Variants in PSPC1 observed in about 807,000 individuals in gnomAD.
The protein encoded by PSPC1 is paraspeckle component 1, also known as paraspeckle protein 1.
Under a neutral mutation model 51.6 loss-of-function variants are expected in PSPC1, and 14 were observed. The ratio of observed to expected loss-of-function variants is 0.27; its 90% CI spans 0.18 to 0.42. PSPC1 has a LOEUF of 0.42. Among genes scored for constraint, PSPC1 ranks in the 10% least tolerant of loss-of-function variants. PSPC1 has a pLI of 1.00. For synonymous variants in PSPC1, 193 were observed against 231.9 expected (o/e 0.83, Z 1.53); for missense variants, 406 against 701.1 (o/e 0.58, Z 4.75).
At chr13:19,769,269 C>CT (rs1169052894) in intron 2 of PSPC1, among the ~76,000 whole-genome samples, 1 of 146,032 alleles carries the variant, frequency 6.8e-6, no homozygotes, top group Non-Finnish European at 1.5e-5. Flanking sequence ...GAAACCCCGT[C>CT]TAACGGCCGG....
At chr13:19,757,397 C>T (rs905139724) in intron 3 of PSPC1, among the ~76,000 whole-genome samples, 1 of 152,114 alleles carries the variant, frequency 6.6e-6, no homozygotes, top group African/African-American at 2.4e-5. Context: ...GCGAGAGTTC[C>T]GTGATCCCCA....
intron 6 of PSPC1, among the ~76,000 whole-genome samples, chr13:19,679,956 G>A (rs1404054343): frequency 5.3e-5 from 8 of 152,132 alleles, no homozygotes; most frequent in Non-Finnish European, 7.3e-5. Context: ...ACCTAGAAAA[G>A]TAATTTCCAG....
At chr13:19,738,703 C>T (rs1885108846) in intron 5 of PSPC1, among the ~76,000 whole-genome samples, 2 of 151,934 alleles carry the variant, frequency 1.3e-5, no homozygotes, top group South Asian at 4.1e-4. Flanking sequence ...GTCACGAGTT[C>T]GAGACCATCC....
chr13:19,673,088 GTTTT>G (rs754426334), downstream of PSPC1: 8 of 292,928 alleles, frequency 2.7e-5, no homozygotes, highest in African/African-American at 2.5e-4. Context: ...AACCTATACG[GTTTT>G]TTTTTGTTTT....
At chr13:19,714,495 C>CTTTT (rs59072226) in intron 6 of PSPC1, among the ~76,000 whole-genome samples, 5 of 135,058 alleles carry the variant, frequency 3.7e-5, no homozygotes, top group African/African-American at 8.1e-5. Context: ...CAGCGGATTT[C>CTTTT]TTTTTTTTTT....
chr13:19,699,505 G>C (rs116415223), downstream of PSPC1: 121 of 152,064 alleles, frequency 8.0e-4, 1 homozygote, highest in African/African-American at 2.7e-3. Context: ...ATCTTGTAAA[G>C]TATAAGACTA....
chr13:19,690,349 T>C (rs1878406460), intron 6 of PSPC1, among the ~76,000 whole-genome samples: 1 of 152,232 alleles, frequency 6.6e-6, no homozygotes, highest in Non-Finnish European at 1.5e-5. Context: ...GAGTTCTAGT[T>C]GCTACATTTT....
chr13:19,674,113 T>C (rs1876348889), downstream of PSPC1, among the ~76,000 whole-genome samples: 2 of 152,248 alleles, frequency 1.3e-5, no homozygotes, highest in African/African-American at 2.4e-5. Flanking sequence ...CATCATGGCC[T>C]CTGCCATTAT....
chr13:19,768,914 C>T (rs1285538203), intron 2 of PSPC1, among the ~76,000 whole-genome samples: 2 of 149,746 alleles, frequency 1.3e-5, no homozygotes, highest in African/African-American at 5.0e-5. Context: ...GCAGGTGGAT[C>T]ACTTGAGGCC....
chr13:19,711,480 C>CA (rs538377221), intron 6 of PSPC1, among the ~76,000 whole-genome samples: 9 of 150,742 alleles, frequency 6.0e-5, no homozygotes, highest in East Asian at 1.9e-4. Flanking sequence ...ACTAAAAATA[C>CA]AAAAAAAATT....
intron 6 of PSPC1, among the ~76,000 whole-genome samples, chr13:19,711,639 T>A (rs1391702267): frequency 0.021 from 1,709 of 80,298 alleles, no homozygotes; most frequent in African/African-American, 0.037. Flanking sequence ...CTCCGTCTCA[T>A]AAAAAAAAAA....
chr13:19,741,703 A>C (rs1038064493), intron 4 of PSPC1, 54 bp from the exon 5 acceptor site: 1 of 1,195,082 alleles, frequency 8.4e-7, no homozygotes, highest in East Asian at 2.4e-5. Flanking sequence ...CCATATTTTT[A>C]TACCAATAAG....
At chr13:19,770,840 A>C (rs1323511552) in intron 2 of PSPC1, among the ~76,000 whole-genome samples, 1 of 151,764 alleles carries the variant, frequency 6.6e-6, no homozygotes, top group East Asian at 1.9e-4. Flanking sequence ...CAGAGGTTAC[A>C]GTGAGTCAAG....
intron 6 of PSPC1, among the ~76,000 whole-genome samples, chr13:19,693,940 G>A (rs971805494): frequency 4.0e-5 from 6 of 151,754 alleles, no homozygotes; most frequent in African/African-American, 7.3e-5. Context: ...TGGCTAACAC[G>A]GTGAAACCCC....
At chr13:19,737,093 AC>A (rs796901842) in intron 5 of PSPC1, 73 of 152,134 alleles carry the variant, frequency 4.8e-4, no homozygotes, top group African/African-American at 1.7e-3. Context: ...GGGCCAGTTC[AC>A]CCCTCCTTAG....
chr13:19,687,287 G>T (rs1878010564), intron 6 of PSPC1, among the ~76,000 whole-genome samples: 1 of 152,092 alleles, frequency 6.6e-6, no homozygotes, highest in African/African-American at 2.4e-5. Context: ...ACTCATCAAT[G>T]CAACTGCAGT....
intron 2 of PSPC1, among the ~76,000 whole-genome samples, chr13:19,766,382 TATCAATCA>T (rs955384688): frequency 1.3e-5 from 2 of 152,000 alleles, no homozygotes; most frequent in East Asian, 1.9e-4. Flanking sequence ...CAAATCAATC[TATCAATCA>T]ATCAATCAAT....
At chr13:19,752,549 C>G (rs964646754) in intron 3 of PSPC1, among the ~76,000 whole-genome samples, 2 of 151,978 alleles carry the variant, frequency 1.3e-5, no homozygotes, top group African/African-American at 4.8e-5. Context: ...GACACCACAC[C>G]TGGTCCCCAG....
At chr13:19,706,030 C>T (rs1466800162) in intron 7 of PSPC1, among the ~76,000 whole-genome samples, 199 bp from the exon 8 acceptor site, 1 of 152,146 alleles carries the variant, frequency 6.6e-6, no homozygotes, top group Non-Finnish European at 1.5e-5. Flanking sequence ...CCAAGCCAAA[C>T]GTACATAAAA....
Sources: allele counts gnomAD v4.1 joint callset (sites outside exome capture counted in the v4.1 genomes callset), GRCh38; gene constraint gnomAD v4.1.1; transcripts MANE v1.5; gene names NCBI Gene and HGNC (gene_info 2026-07-23, HGNC 2026-07-21).